MED12L: variants seen among roughly 807,000 people sequenced by gnomAD.
MED12L encodes the protein mediator of RNA polymerase II transcription subunit 12-like protein.
MED12L carries 60 observed loss-of-function variants against 281.3 expected under a neutral mutation model. That is an observed-to-expected ratio of 0.21 (90% confidence interval 0.17 to 0.26). The LOEUF is 0.26. MED12L is among the 10% of genes least tolerant of loss of function. The probability of loss-of-function intolerance (pLI) is 1.00; values close to 1 mark genes in which losing one functional copy is unlikely to be tolerated. For synonymous variants in MED12L, 974 were observed against 987.2 expected (o/e 0.99, Z 0.25); for missense variants, 2,146 against 2,680.9 (o/e 0.80, Z 4.41).
At position 151,086,827 on chromosome 3, in the gene MED12L, GGA is replaced by G; in HGVS notation, c.-94_-93del. On this transcript the variant is annotated 5_prime_UTR_variant, in exon 2 of 45. Coordinates refer to ENST00000687756, the MANE Select transcript of MED12L (RefSeq NM_001393769.1). ...ACAGCGAGCGAGCGAGCGAGGAGGG[GGA>G]GAGAGGGAGTCTGTCTGCAAAGTGC... The G allele has an allele frequency of 2.3e-6, 2 of 888,048 alleles. No individual in the cohort carries two copies. Among genetic ancestry groups the G allele is most frequent in the East Asian group, 2.8e-5 (1 of 35,204 alleles). The allele number at this position is 888,048 out of a possible 1,614,324, so 55.0% of individuals were successfully genotyped here.
intron 16 of MED12L, among the ~76,000 whole-genome samples, chr3:151,218,200 A>G (rs1212358988): frequency 6.6e-6 from 1 of 152,226 alleles, no homozygotes; most frequent in East Asian, 1.9e-4. Context: ...AAAGAATCAG[A>G]AAAGAAGCTT....
chr3:151,192,691 A>G, intron 15 of MED12L, 37 bp downstream of exon 15: 1 of 1,296,370 alleles, frequency 7.7e-7, no homozygotes, highest in Non-Finnish European at 1.1e-6. Flanking sequence ...ACAATTAAGA[A>G]TTAACCCGTT....
At chr3:151,115,167 T>G (rs1712527771) in intron 2 of MED12L, among the ~76,000 whole-genome samples, 1 of 152,130 alleles carries the variant, frequency 6.6e-6, no homozygotes, top group African/African-American at 2.4e-5. Flanking sequence ...TGTGTGGCTG[T>G]AATCATAAGG....
At chr3:151,249,225 G>A (rs1456589898) in intron 16 of MED12L, 2 of 152,172 alleles carry the variant, frequency 1.3e-5, no homozygotes, top group African/African-American at 4.8e-5. Context: ...GCAAGTGAGA[G>A]CTCCAGCCAG....
intron 16 of MED12L, among the ~76,000 whole-genome samples, chr3:151,321,518 A>C (rs1428321004): frequency 6.6e-6 from 1 of 152,192 alleles, no homozygotes; most frequent in Non-Finnish European, 1.5e-5. Context: ...ATTTTTTTTA[A>C]AAAACCCAAA....
chr3:151,215,474 CT>C (rs1728027496), intron 16 of MED12L, among the ~76,000 whole-genome samples: 1 of 152,054 alleles, frequency 6.6e-6, no homozygotes, highest in Non-Finnish European at 1.5e-5. Context: ...CTTAATTTTA[CT>C]TTTTAAGACT....
chr3:151,369,326 T>C (rs929932403), intron 25 of MED12L, 110 bp from the exon 26 acceptor site: 2 of 622,562 alleles, frequency 3.2e-6, no homozygotes, highest in Admixed American at 2.8e-5. Flanking sequence ...AGCAAGCTAA[T>C]GGCAATTAAG....
chr3:151,355,310 A>G, intron 18 of MED12L, 71 bp downstream of exon 18: 1 of 969,286 alleles, frequency 1.0e-6, no homozygotes, highest in Non-Finnish European at 1.6e-6. Flanking sequence ...TTCATGCAGT[A>G]TATTTTCTCA....
intron 9 of MED12L, among the ~76,000 whole-genome samples, chr3:151,164,413 A>G (rs1720418129): frequency 6.6e-6 from 1 of 152,170 alleles, no homozygotes; most frequent in Non-Finnish European, 1.5e-5. Context: ...CTTGAACCAT[A>G]GGATTGTGAT....
intron 43 of MED12L, among the ~76,000 whole-genome samples, chr3:151,420,927 C>T (rs555082770): frequency 1.0e-3 from 158 of 152,348 alleles, no homozygotes; most frequent in Admixed American, 1.5e-3. Flanking sequence ...GGACAAACCT[C>T]TGCCATTTCC....
intron 16 of MED12L, among the ~76,000 whole-genome samples, chr3:151,200,350 G>A (rs908457562): frequency 6.6e-6 from 1 of 152,084 alleles, no homozygotes; most frequent in African/African-American, 2.4e-5. Context: ...GCTGCCTGTT[G>A]GTGTGGGTCC....
chr3:151,380,925 T>C (rs1052990492), intron 32 of MED12L, among the ~76,000 whole-genome samples: 1 of 152,182 alleles, frequency 6.6e-6, no homozygotes, highest in African/African-American at 2.4e-5. Flanking sequence ...TTGAAATCTG[T>C]AGGTTCAGAA....
chr3:151,309,927 T>C (rs775921267), intron 16 of MED12L, among the ~76,000 whole-genome samples: 22 of 152,108 alleles, frequency 1.4e-4, no homozygotes, highest in Admixed American at 2.6e-4. Context: ...CCTTCTGAAG[T>C]GAAATGGTAC....
In MED12L at chr3:151,372,680, C is replaced by A. The variant is rs755657936; in HGVS notation, c.3778C>A (p.Pro1260Thr). 5.6e-6 allele frequency: 9 copies of A among 1,613,798 alleles called. No homozygotes were observed. In the Admixed American group the frequency reaches 8.3e-5, roughly 15 times the overall value. ...ADDIWTASQN[P>T]KSCGKSISIE... is the part of the protein sequence containing the mutation. ...TGATATCTGGACTGCCTCACAAAAT[C>A]CAAAATCCTGTGGGAAAAGCATTTC... The change falls in exon 27 of 45, where the codon CCA becomes ACA. Residue 1260 changes from proline (P) to threonine (T), a missense_variant. Pro to Thr is a conservative substitution (Grantham distance 38). Around this residue, in one of 9 missense-constraint regions of MED12L, gnomAD observed 235 missense variants for 260.3 expected, o/e 0.90. Coordinates refer to ENST00000687756, the MANE Select transcript of MED12L (RefSeq NM_001393769.1).
intron 4 of MED12L, among the ~76,000 whole-genome samples, chr3:151,124,411 A>C (rs748801749): frequency 5.9e-5 from 9 of 152,226 alleles, no homozygotes; most frequent in Non-Finnish European, 1.2e-4. Flanking sequence ...TTTCTTTATA[A>C]AATGATTAAA....
At chr3:151,205,323 A>G (rs1726194521) in intron 16 of MED12L, among the ~76,000 whole-genome samples, 1 of 152,210 alleles carries the variant, frequency 6.6e-6, no homozygotes, top group African/African-American at 2.4e-5. Flanking sequence ...ACTTATGAAT[A>G]TTTCATGGAT....
At chr3:151,328,332 A>G in intron 16 of MED12L, 1 of 1,613,338 alleles carries the variant, frequency 6.2e-7, no homozygotes, top group Non-Finnish European at 8.5e-7. Flanking sequence ...TTACTTTTGG[A>G]CTTTCTATAA....
chr3:151,148,320 T>C (rs1024309335), intron 5 of MED12L, among the ~76,000 whole-genome samples: 7 of 152,268 alleles, frequency 4.6e-5, no homozygotes, highest in African/African-American at 1.4e-4. Context: ...CTGTTAATTG[T>C]GTCTTTGATC....
chr3:151,176,512 T>C (rs1452944686), intron 11 of MED12L, among the ~76,000 whole-genome samples: 1 of 152,006 alleles, frequency 6.6e-6, no homozygotes, highest in Non-Finnish European at 1.5e-5. Flanking sequence ...TTCTACAGGA[T>C]TTTTTTTCTT....
Sources: gnomAD v4.1 joint callset for allele counts (sites outside exome capture counted in the v4.1 genomes callset) on GRCh38, gnomAD v4.1.1 for gene constraint, gnomAD v4.1.1 regional missense constraint, MANE v1.5 for transcripts, NCBI Gene and HGNC (gene_info 2026-07-23, HGNC 2026-07-21) for gene names.